MAGI2: variants seen among roughly 807,000 people sequenced by gnomAD.
MAGI2 encodes the protein membrane-associated guanylate kinase, WW and PDZ domain-containing protein 2.
Under a neutral mutation model 133.3 loss-of-function variants are expected in MAGI2, and 35 were observed. The observed-to-expected ratio is 0.26, with a 90% CI of 0.20 to 0.35. The LOEUF (loss-of-function observed/expected upper bound fraction) is 0.35, where lower values mean the gene tolerates loss of function less well. Among genes scored for constraint, MAGI2 ranks in the 10% least tolerant of loss-of-function variants. MAGI2 has a pLI of 1.00. For missense variants in MAGI2, 1,636 were observed against 1,863.4 expected (o/e 0.88, Z 2.25); for synonymous variants, 729 against 710.6 (o/e 1.03, Z -0.41).
At chr7:78,742,282 T>C (rs946218002) in intron 2 of MAGI2, among the ~76,000 whole-genome samples, 5 of 152,094 alleles carry the variant, frequency 3.3e-5, no homozygotes, top group Admixed American at 6.5e-5. Context: ...TTCCTCCAGC[T>C]GGGACTACAC....
At chr7:78,080,114 G>A (rs1299976659) in intron 20 of MAGI2, among the ~76,000 whole-genome samples, 1 of 152,322 alleles carries the variant, frequency 6.6e-6, no homozygotes, top group East Asian at 1.9e-4. Flanking sequence ...GGCTGGCTGA[G>A]AATAGGAACA....
chr7:78,099,786 A>C (rs1490615830), intron 20 of MAGI2, among the ~76,000 whole-genome samples: 1 of 152,138 alleles, frequency 6.6e-6, no homozygotes, highest in African/African-American at 2.4e-5. Context: ...GCCTTTTCTC[A>C]GTGTAAGATT....
chr7:79,385,925 C>T (rs1457340227), intron 1 of MAGI2, among the ~76,000 whole-genome samples: 1 of 152,038 alleles, frequency 6.6e-6, no homozygotes, highest in African/African-American at 2.4e-5. Context: ...CTATGAATCC[C>T]ATAACATTAT....
chr7:78,914,033 C>A (rs1269833369), intron 2 of MAGI2, among the ~76,000 whole-genome samples: 1 of 152,128 alleles, frequency 6.6e-6, no homozygotes, highest in African/African-American at 2.4e-5. Context: ...TATTTCTTCA[C>A]AGAAAGCCCA....
At chr7:78,221,425 G>A (rs1193241727) in intron 10 of MAGI2, among the ~76,000 whole-genome samples, 1 of 152,110 alleles carries the variant, frequency 6.6e-6, no homozygotes, top group Non-Finnish European at 1.5e-5. Context: ...TCTCAGAACT[G>A]TTTAGAGAAC....
At chr7:79,194,330 G>T (rs1426865804) in intron 1 of MAGI2, among the ~76,000 whole-genome samples, 1 of 151,898 alleles carries the variant, frequency 6.6e-6, no homozygotes, top group Non-Finnish European at 1.5e-5. Context: ...TGTTCTACTA[G>T]AAAATATTAA....
At chr7:79,075,603 A>C (rs557644684) in intron 1 of MAGI2, among the ~76,000 whole-genome samples, 6 of 152,008 alleles carry the variant, frequency 3.9e-5, no homozygotes, top group African/African-American at 1.5e-4. Flanking sequence ...TCTACAAAAA[A>C]TATATAAAAA....
intron 1 of MAGI2, among the ~76,000 whole-genome samples, chr7:79,145,129 A>C (rs1167161934): frequency 6.6e-6 from 1 of 152,170 alleles, no homozygotes; most frequent in African/African-American, 2.4e-5. Context: ...ATTTGGGTAT[A>C]AGGAAGGGTC....
At chr7:79,179,277 C>G (rs777759961) in intron 1 of MAGI2, among the ~76,000 whole-genome samples, 78 of 151,966 alleles carry the variant, frequency 5.1e-4, no homozygotes, top group Admixed American at 2.9e-3. Context: ...TTCATATAAA[C>G]AATTCTATAT....
chr7:78,303,988 T>G (rs1165512850), intron 9 of MAGI2, among the ~76,000 whole-genome samples: 1 of 152,206 alleles, frequency 6.6e-6, no homozygotes, highest in Non-Finnish European at 1.5e-5. Context: ...TTTCATAGTC[T>G]TTCCCAATTC....
chr7:78,687,520 A>G (rs932930319), intron 2 of MAGI2, among the ~76,000 whole-genome samples: 1 of 152,222 alleles, frequency 6.6e-6, no homozygotes, highest in African/African-American at 2.4e-5. Context: ...CAGAGACAAG[A>G]CCATACCTGC....
intron 2 of MAGI2, among the ~76,000 whole-genome samples, chr7:78,737,055 T>C (rs898643290): frequency 1.2e-4 from 19 of 152,196 alleles, no homozygotes; most frequent in African/African-American, 4.6e-4. Flanking sequence ...CTTGAGTATT[T>C]GGCAGACATT....
At chr7:78,514,040 A>T (rs1227957266) in intron 4 of MAGI2, among the ~76,000 whole-genome samples, 2 of 144,954 alleles carry the variant, frequency 1.4e-5, no homozygotes, top group African/African-American at 5.2e-5. Context: ...GTGAGCTGAG[A>T]TCACTCCATT....
At chr7:78,960,517 G>A (rs997228761) in intron 2 of MAGI2, among the ~76,000 whole-genome samples, 2 of 152,048 alleles carry the variant, frequency 1.3e-5, no homozygotes, top group African/African-American at 2.4e-5. Context: ...GAGACATAAT[G>A]TTTGCAGAAA....
intron 2 of MAGI2, among the ~76,000 whole-genome samples, chr7:78,846,304 T>C (rs930807936): frequency 6.6e-6 from 1 of 151,986 alleles, no homozygotes; most frequent in Non-Finnish European, 1.5e-5. Flanking sequence ...AATTTAGTTA[T>C]ACTTGCATCT....
intron 2 of MAGI2, among the ~76,000 whole-genome samples, chr7:78,939,423 G>T (rs538903919): frequency 6.6e-6 from 1 of 152,266 alleles, no homozygotes; most frequent in South Asian, 2.1e-4. Flanking sequence ...CTAACATAAG[G>T]ATTAGCATGG....
At chr7:78,132,454 G>A (rs1203552627) in intron 18 of MAGI2, among the ~76,000 whole-genome samples, 1 of 152,214 alleles carries the variant, frequency 6.6e-6, no homozygotes, top group African/African-American at 2.4e-5. Context: ...ATGCTTACAA[G>A]GCCCTTTAGG....
chr7:79,039,260 A>G (rs557534663), intron 1 of MAGI2, among the ~76,000 whole-genome samples: 8 of 152,252 alleles, frequency 5.3e-5, no homozygotes, highest in African/African-American at 1.4e-4. Flanking sequence ...TCCCACTTCC[A>G]TCACGATTGT....
At chr7:78,558,214 C>T (rs746709006) in intron 3 of MAGI2, among the ~76,000 whole-genome samples, 7 of 152,016 alleles carry the variant, frequency 4.6e-5, no homozygotes, top group Admixed American at 1.3e-4. Context: ...TATGTATTCC[C>T]ATTTAAGGTG....
Sources: allele counts gnomAD v4.1 joint callset (sites outside exome capture counted in the v4.1 genomes callset), GRCh38; gene constraint gnomAD v4.1.1; transcripts MANE v1.5; gene names NCBI Gene and HGNC (gene_info 2026-07-23, HGNC 2026-07-21).